Variants in OSBPL10 observed in about 807,000 individuals in gnomAD.
OSBPL10 encodes the protein oxysterol-binding protein-related protein 10.
OSBPL10 carries 49 observed loss-of-function variants against 81.7 expected under a neutral mutation model. That is an observed-to-expected ratio of 0.60 (90% CI 0.48 to 0.76). The LOEUF (loss-of-function observed/expected upper bound fraction) is 0.76. Among genes scored for constraint, OSBPL10 ranks in the 30% least tolerant of loss-of-function variants. The pLI is 0.00. For synonymous variants in OSBPL10, 419 were observed against 383.6 expected (o/e 1.09, Z -1.08); for missense variants, 923 against 987.8 (o/e 0.93, Z 0.88).
intron 1 of OSBPL10, among the ~76,000 whole-genome samples, chr3:31,930,003 C>CAAAAAAAAAAAAAAAAAAAA (rs57256301): frequency 1.4e-5 from 1 of 72,574 alleles, no homozygotes; most frequent in African/African-American, 5.3e-5. Flanking sequence ...TGTCACCAAC[C>CAAAAAAAAAAAAAAAAAAAA]AAAAAAAAAA....
intron 6 of OSBPL10, among the ~76,000 whole-genome samples, chr3:31,726,014 G>A (rs1306421339): frequency 6.6e-6 from 1 of 152,160 alleles, no homozygotes; most frequent in Non-Finnish European, 1.5e-5. Context: ...ACCACTACAT[G>A]AAGAAAACCT....
At chr3:31,935,672 C>T (rs1352043561) in intron 1 of OSBPL10, among the ~76,000 whole-genome samples, 1 of 151,850 alleles carries the variant, frequency 6.6e-6, no homozygotes, top group African/African-American at 2.4e-5. Flanking sequence ...TACAGGTGAC[C>T]CCCACCACGC....
intron 1 of OSBPL10, among the ~76,000 whole-genome samples, chr3:31,900,214 T>C (rs1437902450): frequency 6.6e-6 from 1 of 151,774 alleles, no homozygotes; most frequent in Non-Finnish European, 1.5e-5. Context: ...TGTTTTTTTG[T>C]TTTTCATTTG....
intron 7 of OSBPL10, among the ~76,000 whole-genome samples, chr3:31,687,952 G>A (rs1317996723): frequency 6.7e-6 from 1 of 148,190 alleles, no homozygotes; most frequent in Non-Finnish European, 1.5e-5. Flanking sequence ...GGGCAAAGGA[G>A]ATCAAATGGG....
At chr3:31,950,947 G>A (rs1398052132) in intron 1 of OSBPL10, among the ~76,000 whole-genome samples, 1 of 152,142 alleles carries the variant, frequency 6.6e-6, no homozygotes, top group Non-Finnish European at 1.5e-5. Context: ...TCACAACCAT[G>A]AGCCAAATAA....
intron 2 of OSBPL10, among the ~76,000 whole-genome samples, chr3:32,008,629 A>C (rs1204282939): frequency 6.6e-6 from 1 of 151,836 alleles, no homozygotes; most frequent in Non-Finnish European, 1.5e-5. Context: ...GCATGCCTGC[A>C]GTCCTGGCTA....
intron 1 of OSBPL10, among the ~76,000 whole-genome samples, chr3:31,915,067 C>T (rs1266881955): frequency 6.6e-6 from 1 of 152,114 alleles, no homozygotes; most frequent in African/African-American, 2.4e-5. Context: ...GAACTCCTGG[C>T]CTCAAAGCAC....
intron 4 of OSBPL10, among the ~76,000 whole-genome samples, chr3:31,791,468 T>C (rs1302471082): frequency 6.6e-6 from 1 of 152,216 alleles, no homozygotes; most frequent in Non-Finnish European, 1.5e-5. Flanking sequence ...CATTTTCTGA[T>C]AGCCTTGCAT....
At chr3:31,963,696 C>G (rs1320448435) in intron 1 of OSBPL10, among the ~76,000 whole-genome samples, 1 of 152,208 alleles carries the variant, frequency 6.6e-6, no homozygotes, top group Non-Finnish European at 1.5e-5. Flanking sequence ...AGCTCCCTAA[C>G]TGGAACAAAT....
At position 31,787,309 on chromosome 3, in the gene OSBPL10, A is replaced by G. The variant is rs1180025265; in HGVS notation, c.730-39189T>C. ...TAGTCATATATAATGGATTCGAAAG[A>G]CATGATAGGCTGGGCATGGTGGCTC... On this transcript the variant is annotated intron_variant, in intron 4 of 11. Transcript: ENST00000396556. Among the ~76,000 whole-genome samples the G allele has an allele frequency of 3.9e-5, 6 of 152,334 alleles. No individual in the cohort carries two copies. In the East Asian group the frequency reaches 1.2e-3, roughly 29 times the overall value.
At chr3:31,980,330 TACAAACATC>T (rs1698798196) in intron 1 of OSBPL10, among the ~76,000 whole-genome samples, 1 of 152,132 alleles carries the variant, frequency 6.6e-6, no homozygotes, top group Non-Finnish European at 1.5e-5. Flanking sequence ...AAACTTCCAT[TACAAACATC>T]GGAGGCTGCA....
intron 6 of OSBPL10, among the ~76,000 whole-genome samples, chr3:31,706,238 T>C (rs1485051336): frequency 1.3e-5 from 2 of 152,182 alleles, no homozygotes; most frequent in Non-Finnish European, 2.9e-5. Flanking sequence ...TGACCCACAG[T>C]GACCTGTGCC....
chr3:31,763,375 G>C (rs975980867), intron 4 of OSBPL10, among the ~76,000 whole-genome samples: 30 of 152,130 alleles, frequency 2.0e-4, no homozygotes, highest in African/African-American at 7.2e-4. Flanking sequence ...TACAAACTAA[G>C]GGTCAACAAG....
chr3:32,023,708 T>C (rs1699378286), intron 2 of OSBPL10, among the ~76,000 whole-genome samples: 1 of 152,216 alleles, frequency 6.6e-6, no homozygotes, highest in Admixed American at 6.5e-5. Flanking sequence ...CAGTCCTGCT[T>C]CATTGCCTTA....
chr3:31,870,353 C>CG (rs1381742346), intron 3 of OSBPL10, among the ~76,000 whole-genome samples: 1 of 152,258 alleles, frequency 6.6e-6, no homozygotes, highest in Non-Finnish European at 1.5e-5. Context: ...AGCTTTCCCG[C>CG]GGGGCAGGGC....
chr3:31,827,240 ACT>A (rs1237773087), intron 4 of OSBPL10, among the ~76,000 whole-genome samples: 2 of 151,896 alleles, frequency 1.3e-5, no homozygotes, highest in Non-Finnish European at 2.9e-5. Flanking sequence ...ATATCATGAA[ACT>A]CTATGGAAAA....
chr3:31,771,769 C>CG (rs1263787707), intron 4 of OSBPL10, among the ~76,000 whole-genome samples: 5 of 152,146 alleles, frequency 3.3e-5, no homozygotes, highest in African/African-American at 1.2e-4. Flanking sequence ...AAGGTATATA[C>CG]GCTCTGGAAA....
chr3:31,799,987 C>A (rs1410064770), intron 4 of OSBPL10, among the ~76,000 whole-genome samples: 1 of 152,210 alleles, frequency 6.6e-6, no homozygotes, highest in East Asian at 1.9e-4. Flanking sequence ...GGATTACAGG[C>A]ATGAGCCACC....
chr3:31,918,145 C>T (rs1248898903), intron 1 of OSBPL10, among the ~76,000 whole-genome samples: 1 of 152,072 alleles, frequency 6.6e-6, no homozygotes. Context: ...TCATTCCAAA[C>T]AAAAGCCCTC....
Sources: gnomAD v4.1 joint callset for allele counts (sites outside exome capture counted in the v4.1 genomes callset) on GRCh38, gnomAD v4.1.1 for gene constraint, MANE v1.5 for transcripts, NCBI Gene and HGNC (gene_info 2026-07-23, HGNC 2026-07-21) for gene names.